The following SEMA6D variants were observed in gnomAD, a reference collection of about 807,000 sequenced individuals.
SEMA6D encodes semaphorin 6D, also known as semaphorin-6D.
In SEMA6D, 35 loss-of-function variants were observed where a neutral mutation model predicts 106.6. That is an observed-to-expected ratio of 0.33 (90% CI 0.25 to 0.44). The LOEUF (loss-of-function observed/expected upper bound fraction) is 0.44. SEMA6D is among the 20% of genes least tolerant of loss of function. The probability of loss-of-function intolerance (pLI) is 1.00; values close to 1 mark genes in which losing one functional copy is unlikely to be tolerated. For missense variants in SEMA6D, 1,185 were observed against 1,345.9 expected (o/e 0.88, Z 1.87); for synonymous variants, 499 against 487.7 (o/e 1.02, Z -0.31).
chr15:47,435,231 C>A (rs1267413467), intron 2 of SEMA6D, among the ~76,000 whole-genome samples: 2 of 152,052 alleles, frequency 1.3e-5, no homozygotes, highest in African/African-American at 4.8e-5. Context: ...AGGAAATATT[C>A]TAAACAACAG....
intron 6 of SEMA6D, 25 bp from the exon 7 acceptor site, chr15:47,761,636 C>A: frequency 6.4e-7 from 1 of 1,553,954 alleles, no homozygotes; most frequent in Non-Finnish European, 8.8e-7. Context: ...AGATATGACA[C>A]TGGCTATTTA....
At chr15:47,319,615 C>T (rs1379149971) in intron 1 of SEMA6D, among the ~76,000 whole-genome samples, 1 of 152,156 alleles carries the variant, frequency 6.6e-6, no homozygotes, top group South Asian at 2.1e-4. Flanking sequence ...ATTTCCCTCC[C>T]CCCATTTCAG....
chr15:47,420,507 C>G (rs2041118551), intron 2 of SEMA6D, among the ~76,000 whole-genome samples: 1 of 151,922 alleles, frequency 6.6e-6, no homozygotes, highest in Non-Finnish European at 1.5e-5. Context: ...TGCTAGTTGC[C>G]CCATAGTTTT....
chr15:47,448,480 G>C (rs1284653281), intron 2 of SEMA6D, among the ~76,000 whole-genome samples: 1 of 152,048 alleles, frequency 6.6e-6, no homozygotes. Context: ...GACCTTGGAG[G>C]AATAATGCCT....
At chr15:47,421,229 C>T (rs2041142993) in intron 2 of SEMA6D, among the ~76,000 whole-genome samples, 1 of 152,108 alleles carries the variant, frequency 6.6e-6, no homozygotes, top group South Asian at 2.1e-4. Flanking sequence ...GGTTCTCAAT[C>T]TCAGGTTCTC....
chr15:47,526,269 GTTTGCC>G (rs952277738), intron 3 of SEMA6D, among the ~76,000 whole-genome samples: 4 of 152,084 alleles, frequency 2.6e-5, no homozygotes, highest in African/African-American at 9.7e-5. Flanking sequence ...TCTTAGGGCT[GTTTGCC>G]TTTTATTAAG....
intron 2 of SEMA6D, among the ~76,000 whole-genome samples, chr15:47,433,509 T>A (rs1000975870): frequency 2.6e-5 from 4 of 152,078 alleles, no homozygotes; most frequent in Admixed American, 6.6e-5. Flanking sequence ...AATAGCAGGT[T>A]TTAGATTTCA....
intron 3 of SEMA6D, among the ~76,000 whole-genome samples, chr15:47,481,182 G>T (rs376958038): frequency 6.6e-6 from 1 of 151,954 alleles, no homozygotes; most frequent in African/African-American, 2.4e-5. Flanking sequence ...TGTTGGAGAG[G>T]GTGTCTCCAG....
At chr15:47,335,121 G>C (rs1488998776) in intron 1 of SEMA6D, among the ~76,000 whole-genome samples, 3 of 152,170 alleles carry the variant, frequency 2.0e-5, no homozygotes, top group South Asian at 2.1e-4. Context: ...TAGTCAGTAT[G>C]GGGGAAGGGC....
At chr15:47,214,078 A>G (rs2030324650) in intron 1 of SEMA6D, among the ~76,000 whole-genome samples, 1 of 152,178 alleles carries the variant, frequency 6.6e-6, no homozygotes, top group South Asian at 2.1e-4. Context: ...GTCAGCATGG[A>G]GAAAACTGTT....
chr15:47,232,753 C>G (rs546771203), intron 1 of SEMA6D, among the ~76,000 whole-genome samples: 7 of 136,664 alleles, frequency 5.1e-5, no homozygotes, highest in Admixed American at 1.5e-4. Flanking sequence ...ACTGTTCAAA[C>G]TCTTTGCACG....
chr15:47,528,102 G>T (rs1326532803), intron 3 of SEMA6D, among the ~76,000 whole-genome samples: 1 of 152,152 alleles, frequency 6.6e-6, no homozygotes, highest in Non-Finnish European at 1.5e-5. Flanking sequence ...AAGGTGTAAG[G>T]CACCTGGTTG....
At chr15:47,280,059 A>T (rs2035038690) in intron 1 of SEMA6D, among the ~76,000 whole-genome samples, 1 of 151,060 alleles carries the variant, frequency 6.6e-6, no homozygotes, top group Admixed American at 6.6e-5. Context: ...GTTAGGGAGG[A>T]TTCCCTCTTT....
At chr15:47,460,194 A>G (rs1431840538) in intron 2 of SEMA6D, among the ~76,000 whole-genome samples, 3 of 152,080 alleles carry the variant, frequency 2.0e-5, no homozygotes, top group Non-Finnish European at 4.4e-5. Context: ...CTCAGAAATT[A>G]TTTAGAAATT....
At chr15:47,707,783 A>G (rs1567003982) in intron 4 of SEMA6D, among the ~76,000 whole-genome samples, 1 of 152,092 alleles carries the variant, frequency 6.6e-6, no homozygotes, top group Admixed American at 6.5e-5. Context: ...ATAATTTCCA[A>G]TTTTCTGCTG....
chr15:47,385,240 A>G (rs535667277), intron 1 of SEMA6D, among the ~76,000 whole-genome samples: 1 of 152,212 alleles, frequency 6.6e-6, no homozygotes, highest in Admixed American at 6.5e-5. Context: ...TCAAGAGCAG[A>G]TAAGTGCCAT....
intron 3 of SEMA6D, among the ~76,000 whole-genome samples, chr15:47,520,369 G>T (rs145521702): frequency 1.3e-5 from 2 of 152,304 alleles, no homozygotes; most frequent in African/African-American, 4.8e-5. Context: ...ATAGGAATCA[G>T]GTCCCCTGTG....
At chr15:47,622,597 G>A (rs2077127394) in intron 4 of SEMA6D, among the ~76,000 whole-genome samples, 1 of 152,104 alleles carries the variant, frequency 6.6e-6, no homozygotes, top group African/African-American at 2.4e-5. Flanking sequence ...ATTTGGGTAT[G>A]AGCAAGTTAC....
At chr15:47,370,710 A>AAT (rs1567033699) in intron 1 of SEMA6D, among the ~76,000 whole-genome samples, 3 of 138,236 alleles carry the variant, frequency 2.2e-5, no homozygotes, top group East Asian at 2.1e-4. Flanking sequence ...AAAAAAAAAA[A>AAT]TTTGATGGGT....
Sources: allele counts gnomAD v4.1 joint callset (sites outside exome capture counted in the v4.1 genomes callset), GRCh38; gene constraint gnomAD v4.1.1; transcripts MANE v1.5; gene names NCBI Gene and HGNC (gene_info 2026-07-23, HGNC 2026-07-21).